The following SNTG1 variants were observed in gnomAD, a reference collection of about 807,000 sequenced individuals.
SNTG1 encodes the protein syntrophin gamma 1, also known as gamma-1-syntrophin.
A neutral mutation model predicts 74.7 loss-of-function variants in SNTG1; 39 were observed. The ratio of observed to expected loss-of-function variants is 0.52; its 90% CI spans 0.40 to 0.68. The LOEUF is 0.68. SNTG1 is among the 30% of genes least tolerant of loss of function. SNTG1 has a pLI of 0.00. For missense variants in SNTG1, 685 were observed against 609.5 expected (o/e 1.12, Z -1.30); for synonymous variants, 254 against 217.1 (o/e 1.17, Z -1.49).
At chr8:50,350,564 G>C (rs1187812934) in intron 2 of SNTG1, among the ~76,000 whole-genome samples, 3 of 151,250 alleles carry the variant, frequency 2.0e-5, no homozygotes, top group African/African-American at 4.9e-5. Flanking sequence ...GGGACTTGGA[G>C]AACCTTTATG....
intron 13 of SNTG1, among the ~76,000 whole-genome samples, chr8:50,632,929 G>A (rs142814870): frequency 4.3e-4 from 66 of 152,136 alleles, no homozygotes; most frequent in African/African-American, 1.5e-3. Context: ...CTATAAACCT[G>A]TGTTAAGCTA....
At chr8:50,086,482 C>T (rs1822900015) in intron 1 of SNTG1, among the ~76,000 whole-genome samples, 1 of 152,106 alleles carries the variant, frequency 6.6e-6, no homozygotes, top group South Asian at 2.1e-4. Flanking sequence ...TAGTGTTGCC[C>T]TGCATGATGA....
intron 1 of SNTG1, among the ~76,000 whole-genome samples, chr8:50,022,002 G>T (rs1200301544): frequency 1.3e-5 from 2 of 151,226 alleles, no homozygotes; most frequent in East Asian, 3.9e-4. Context: ...AAGGAAAAAT[G>T]CATAGTTATT....
chr8:50,366,652 T>C (rs900977263), intron 2 of SNTG1, among the ~76,000 whole-genome samples: 2 of 147,488 alleles, frequency 1.4e-5, no homozygotes, highest in Non-Finnish European at 3.0e-5. Flanking sequence ...TATATATATA[T>C]TATTTTGTAA....
rs541223357 is a variant in SNTG1 at position 50,359,315 on chromosome 8, T to C, written c.-27-34897T>C. ...ACTTCTCAGCCCACAGGCTTCACTC[T>C]GTACCCTGCTGTATTCACCAGCATG... On this transcript the variant is annotated intron_variant, in intron 2 of 18. Transcript: ENST00000642720. Among the ~76,000 whole-genome samples the C allele has an allele frequency of 3.3e-5, 5 of 152,308 alleles. No individual in the cohort carries two copies. In the South Asian group the frequency reaches 1.0e-3, roughly 32 times the overall value.
chr8:50,139,725 C>T lies in SNTG1; in HGVS notation c.-102-32836C>T, dbSNP rs140205331. Among the ~76,000 whole-genome samples the T allele has an allele frequency of 3.9e-5, 6 of 152,328 alleles. 1 individual carries two copies. The South Asian group carries it at 1.0e-3, about 26-fold the overall frequency. Reference sequence around the variant, plus strand: ...TCTAGAATTATCTTAATGCACTCCACGGTTGGGCCATTTGAAGAAACAGCT... The same window carrying T: ...TCTAGAATTATCTTAATGCACTCCATGGTTGGGCCATTTGAAGAAACAGCT... On this transcript the variant is annotated intron_variant, in intron 1 of 18. Transcript: ENST00000642720.
chr8:50,723,864 C>CAATAA (rs1412119343), intron 17 of SNTG1, among the ~76,000 whole-genome samples: 1 of 151,920 alleles, frequency 6.6e-6, no homozygotes, highest in African/African-American at 2.4e-5. Flanking sequence ...AAAAGACTCC[C>CAATAA]TAAGGCAGTA....
At chr8:50,737,163 C>T (rs531027668) in intron 17 of SNTG1, among the ~76,000 whole-genome samples, 189 of 151,088 alleles carry the variant, frequency 1.3e-3, no homozygotes, top group Non-Finnish European at 2.0e-3. Context: ...GACCACTAGC[C>T]GGACTAATAA....
intron 1 of SNTG1, among the ~76,000 whole-genome samples, chr8:50,016,144 C>T (rs1183785425): frequency 6.6e-6 from 1 of 152,050 alleles, no homozygotes; most frequent in East Asian, 1.9e-4. Flanking sequence ...CCATGATCTT[C>T]TTTTCGTGCA....
intron 13 of SNTG1, among the ~76,000 whole-genome samples, chr8:50,605,860 C>CA (rs1004572787): frequency 2.0e-5 from 3 of 152,038 alleles, no homozygotes; most frequent in African/African-American, 7.2e-5. Context: ...TAAAATAACA[C>CA]AAAAATAAAA....
intron 4 of SNTG1, among the ~76,000 whole-genome samples, chr8:50,431,649 A>C (rs1206869418): frequency 1.3e-5 from 2 of 152,208 alleles, no homozygotes; most frequent in Non-Finnish European, 2.9e-5. Context: ...CACACCAATA[A>C]GAAATGAAAA....
chr8:50,663,126 A>T (rs2095233199), intron 15 of SNTG1, among the ~76,000 whole-genome samples: 1 of 152,118 alleles, frequency 6.6e-6, no homozygotes, highest in South Asian at 2.1e-4. Flanking sequence ...GGGGAGGAGC[A>T]ACCTGGTCCA....
chr8:50,718,318 A>G (rs1345822260), intron 17 of SNTG1, among the ~76,000 whole-genome samples: 1 of 152,158 alleles, frequency 6.6e-6, no homozygotes, highest in Non-Finnish European at 1.5e-5. Flanking sequence ...TCAGGCACCA[A>G]ATCTGAGGAA....
intron 17 of SNTG1, among the ~76,000 whole-genome samples, chr8:50,747,134 C>T (rs2095556847): frequency 6.6e-6 from 1 of 151,576 alleles, no homozygotes; most frequent in Non-Finnish European, 1.5e-5. Context: ...ACTATTAGCT[C>T]CAGATTAACA....
chr8:50,338,297 C>A (rs2091216596), intron 2 of SNTG1, among the ~76,000 whole-genome samples: 1 of 152,114 alleles, frequency 6.6e-6, no homozygotes. Flanking sequence ...TAACTCCTGG[C>A]AAGACAAATG....
At chr8:50,176,194 T>A (rs1300212588) in intron 2 of SNTG1, among the ~76,000 whole-genome samples, 1 of 152,212 alleles carries the variant, frequency 6.6e-6, no homozygotes, top group Non-Finnish European at 1.5e-5. Flanking sequence ...CAATTGGTCC[T>A]TCTGCTGTGG....
chr8:50,608,499 A>G (rs1262233847), intron 13 of SNTG1, among the ~76,000 whole-genome samples: 2 of 151,730 alleles, frequency 1.3e-5, no homozygotes, highest in East Asian at 3.8e-4. Context: ...ATTTTCTATG[A>G]TGTCAATATT....
At chr8:50,437,291 T>G (rs1318816082) in intron 4 of SNTG1, among the ~76,000 whole-genome samples, 1 of 152,166 alleles carries the variant, frequency 6.6e-6, no homozygotes, top group Non-Finnish European at 1.5e-5. Context: ...AAATTCAAAA[T>G]AAATCAATAA....
intron 11 of SNTG1, among the ~76,000 whole-genome samples, chr8:50,550,220 G>C (rs112061223): frequency 6.6e-6 from 1 of 152,148 alleles, no homozygotes; most frequent in Non-Finnish European, 1.5e-5. Flanking sequence ...GTGGTTCCTT[G>C]CAGACTTTAA....
Sources: allele counts gnomAD v4.1 joint callset (sites outside exome capture counted in the v4.1 genomes callset), GRCh38; gene constraint gnomAD v4.1.1; transcripts MANE v1.5; gene names NCBI Gene and HGNC (gene_info 2026-07-23, HGNC 2026-07-21).